EXT1: variants seen among roughly 807,000 people sequenced by gnomAD.
EXT1 encodes exostosin glycosyltransferase 1.
Under a neutral mutation model 82.5 loss-of-function variants are expected in EXT1, and 20 were observed. The ratio of observed to expected loss-of-function variants is 0.24; its 90% confidence interval spans 0.17 to 0.35. EXT1 has a LOEUF of 0.35. EXT1 is among the 10% of genes least tolerant of loss of function. The pLI is 1.00. For missense variants in EXT1, 757 were observed against 936.5 expected, an observed-to-expected ratio of 0.81 and a Z score of 2.50; for synonymous variants, 348 against 350.8, an observed-to-expected ratio of 0.99 and a Z score of 0.09.
intron 1 of EXT1, among the ~76,000 whole-genome samples, chr8:117,910,268 T>C (rs7014561): frequency 0.56 from 85,768 of 151,962 alleles, 24,655 homozygotes; most frequent in Middle Eastern, 0.66. Context: ...AGGGGGCTGC[T>C]GATGATGAAG....
At chr8:118,051,949 A>G (rs1338827453) in intron 1 of EXT1, among the ~76,000 whole-genome samples, 1 of 152,200 alleles carries the variant, frequency 6.6e-6, no homozygotes, top group African/African-American at 2.4e-5. Context: ...CATACTGCAC[A>G]CTTCCTAAAA....
At chr8:117,895,725 T>A (rs1488614123) in intron 1 of EXT1, among the ~76,000 whole-genome samples, 2 of 152,214 alleles carry the variant, frequency 1.3e-5, no homozygotes, top group Admixed American at 6.5e-5. Context: ...GATTCTCCCA[T>A]GTCTGGATGT....
chr8:117,933,399 T>C (rs1478300982), intron 1 of EXT1, among the ~76,000 whole-genome samples: 1 of 151,990 alleles, frequency 6.6e-6, no homozygotes, highest in Non-Finnish European at 1.5e-5. Flanking sequence ...GCGCACACCA[T>C]CACGCCCAGC....
At chr8:117,873,449 T>G (rs73320194) in intron 1 of EXT1, among the ~76,000 whole-genome samples, 9,475 of 68,556 alleles carry the variant, frequency 0.14, 752 homozygotes, top group African/African-American at 0.31. Flanking sequence ...TCCTGTGACT[T>G]TTTTTTTTTT....
chr8:117,799,694 C>G lies in EXT1; in HGVS notation c.*18G>C. 2 of 1,613,920 alleles carry G rather than the reference C, an allele frequency of 1.2e-6. No individual in the cohort carries two copies. Among genetic ancestry groups the G allele is most frequent in the Non-Finnish European group, 1.7e-6 (2 of 1,179,948 alleles). Reference sequence around the variant, plus strand: ...CCCCATCCCTTCTTGCTTCCCCTCCCCCACTCAGCCGGATTCCTCAAAGTC... The same window carrying G: ...CCCCATCCCTTCTTGCTTCCCCTCCGCCACTCAGCCGGATTCCTCAAAGTC... On this transcript the variant is annotated 3_prime_UTR_variant, in exon 11 of 11. Transcript: ENST00000378204.
intron 1 of EXT1, among the ~76,000 whole-genome samples, chr8:117,856,342 C>T (rs1486493316): frequency 6.6e-6 from 1 of 150,734 alleles, no homozygotes; most frequent in African/African-American, 2.4e-5. Context: ...GCAAGTTCCG[C>T]CTCCCGGGTT....
chr8:117,807,785 C>A (rs1374041421), intron 8 of EXT1, among the ~76,000 whole-genome samples: 1 of 151,606 alleles, frequency 6.6e-6, no homozygotes, highest in Non-Finnish European at 1.5e-5. Flanking sequence ...AATGAATATA[C>A]AACATATATC....
chr8:117,975,868 T>C (rs1419356366), intron 1 of EXT1, among the ~76,000 whole-genome samples: 1 of 152,222 alleles, frequency 6.6e-6, no homozygotes, highest in African/African-American at 2.4e-5. Flanking sequence ...CAGTTCAATG[T>C]CAACCCAGGA....
At position 118,110,270 on chromosome 8, in the gene EXT1, G is replaced by C. The variant is rs974372111; in HGVS notation, c.777C>G (p.Leu259=). Residue 259 remains leucine, a synonymous_variant, in exon 1 of 11, where the codon CTC becomes CTG. Coordinates refer to ENST00000378204, the MANE Select transcript of EXT1 (RefSeq NM_000127.3). ...GFLKFNTIPP[L]RKYMLVFKGK... ...CCTTGAATACCAGCATGTACTTCCT[G>C]AGAGGAGGGATGGTGTTGAACTTCA... 2 of 1,613,994 alleles carry C rather than the reference G, an allele frequency of 1.2e-6. No individual in the cohort carries two copies. Among genetic ancestry groups the C allele is most frequent in the African/African-American group, 2.7e-5 (2 of 74,892 alleles).
intron 4 of EXT1, among the ~76,000 whole-genome samples, chr8:117,825,013 A>G (rs1291489083): frequency 3.3e-5 from 5 of 151,814 alleles, no homozygotes; most frequent in Admixed American, 1.3e-4. Context: ...ACCACAGGAG[A>G]GGGTCACCAC....
intron 1 of EXT1, among the ~76,000 whole-genome samples, chr8:118,095,008 A>G (rs1222287756): frequency 2.3e-4 from 35 of 152,164 alleles, no homozygotes; most frequent in Admixed American, 2.3e-3. Context: ...CAAACATACA[A>G]CACACATGCA....
chr8:117,984,868 C>A (rs1044510621), intron 1 of EXT1, among the ~76,000 whole-genome samples: 1 of 152,110 alleles, frequency 6.6e-6, no homozygotes, highest in Non-Finnish European at 1.5e-5. Flanking sequence ...ACAGTTTCCA[C>A]CACCTCAAAA....
intron 1 of EXT1, among the ~76,000 whole-genome samples, chr8:117,896,483 C>T (rs560871523): frequency 6.6e-6 from 1 of 152,146 alleles, no homozygotes; most frequent in Non-Finnish European, 1.5e-5. Context: ...AGCTGGTTAG[C>T]TGGCCTTTTA....
At chr8:117,819,613 A>C in intron 6 of EXT1, 63 bp downstream of exon 6, 1 of 1,388,472 alleles carries the variant, frequency 7.2e-7, no homozygotes, top group Non-Finnish European at 1.0e-6. Flanking sequence ...ACAGGTAAGG[A>C]GGGCGGAGTC....
intron 1 of EXT1, among the ~76,000 whole-genome samples, chr8:117,887,204 CA>C (rs1435196784): frequency 6.6e-6 from 1 of 152,022 alleles, no homozygotes; most frequent in Non-Finnish European, 1.5e-5. Context: ...ATCTATTGGC[CA>C]ATTATTTTTT....
At chr8:117,980,889 A>AC (rs1815184691) in intron 1 of EXT1, among the ~76,000 whole-genome samples, 1 of 151,524 alleles carries the variant, frequency 6.6e-6, no homozygotes, top group Non-Finnish European at 1.5e-5. Context: ...CTGCGAGGGC[A>AC]CCCCCATGCA....
At position 117,799,567 on chromosome 8, in the gene EXT1, CTTTT is replaced by C; in HGVS notation, c.*141_*144del. On this transcript the variant is annotated 3_prime_UTR_variant, in exon 11 of 11. Transcript: ENST00000378204. ...AGCCAGGAGTTGAGTTCTCATTGGCCTTTTTTTTTTTGTCATTCTGCTCATCTAA... is the reference window on the plus strand; with the variant it reads ...AGCCAGGAGTTGAGTTCTCATTGGCCTTTTTTTGTCATTCTGCTCATCTAA... 1 of 788,698 alleles carries C rather than the reference CTTTT, an allele frequency of 1.3e-6. No homozygotes were observed. Among genetic ancestry groups the C allele is most frequent in the Non-Finnish European group, 2.0e-6 (1 of 507,834 alleles). 48.9% of individuals were successfully genotyped at this position (788,698 alleles called of 1,614,324 possible).
intron 1 of EXT1, among the ~76,000 whole-genome samples, chr8:117,987,626 G>A (rs887188121): frequency 3.3e-5 from 5 of 152,204 alleles, no homozygotes; most frequent in Admixed American, 6.5e-5. Context: ...TCTGATGTAC[G>A]TTAAAGCTCA....
At chr8:118,051,988 T>G (rs1725786930) in intron 1 of EXT1, among the ~76,000 whole-genome samples, 1 of 152,208 alleles carries the variant, frequency 6.6e-6, no homozygotes, top group African/African-American at 2.4e-5. Context: ...TGTGGAAGCA[T>G]TTCTAAGTGT....
Sources: allele counts gnomAD v4.1 joint callset (sites outside exome capture counted in the v4.1 genomes callset), GRCh38; gene constraint gnomAD v4.1.1; transcripts MANE v1.5; gene names NCBI Gene and HGNC (gene_info 2026-07-23, HGNC 2026-07-21).